The following DSCAML1 variants were observed in gnomAD, a reference collection of about 807,000 sequenced individuals.
The protein encoded by DSCAML1 is DS cell adhesion molecule like 1, also known as cell adhesion molecule DSCAML1.
A neutral mutation model predicts 200.5 loss-of-function variants in DSCAML1; 38 were observed. The observed-to-expected ratio is 0.19, with a 90% CI of 0.15 to 0.25. The LOEUF (loss-of-function observed/expected upper bound fraction) is 0.25, where lower values mean the gene tolerates loss of function less well. DSCAML1 is among the 10% of genes least tolerant of loss of function. The pLI is 1.00. For synonymous variants in DSCAML1, 1,215 were observed against 1,165.0 expected (o/e 1.04, Z -0.87); for missense variants, 2,223 against 2,858.8 (o/e 0.78, Z 5.07).
At chr11:117,791,170 C>A (rs756387191) in intron 1 of DSCAML1, among the ~76,000 whole-genome samples, 1 of 152,166 alleles carries the variant, frequency 6.6e-6, no homozygotes, top group Non-Finnish European at 1.5e-5. Flanking sequence ...GCCTCCCCAA[C>A]ATGTAGGATC....
chr11:117,458,256 G>A (rs2048412189), intron 19 of DSCAML1, among the ~76,000 whole-genome samples: 1 of 152,122 alleles, frequency 6.6e-6, no homozygotes. Context: ...ATGAGGAAGG[G>A]CTTTGAGATC....
chr11:117,599,689 G>A (rs1391473685), intron 3 of DSCAML1, among the ~76,000 whole-genome samples: 3 of 152,190 alleles, frequency 2.0e-5, no homozygotes, highest in Admixed American at 6.5e-5. Context: ...CTCCACTCCA[G>A]GATTCAACTC....
intron 21 of DSCAML1, among the ~76,000 whole-genome samples, chr11:117,441,999 GGTGT>G (rs940317454): frequency 2.0e-5 from 3 of 149,818 alleles, no homozygotes; most frequent in Admixed American, 2.0e-4. Context: ...TGTATGTGTG[GGTGT>G]GTATGTGCAT....
intron 11 of DSCAML1, among the ~76,000 whole-genome samples, chr11:117,495,283 C>A (rs951862870): frequency 6.6e-6 from 1 of 152,192 alleles, no homozygotes; most frequent in African/African-American, 2.4e-5. Flanking sequence ...CCATCTTGCC[C>A]CTGATATCCT....
At chr11:117,694,801 G>T (rs1439974353) in intron 3 of DSCAML1, among the ~76,000 whole-genome samples, 2 of 152,324 alleles carry the variant, frequency 1.3e-5, no homozygotes, top group East Asian at 1.9e-4. Context: ...CCTGCTCTTT[G>T]GTGCAGATAT....
chr11:117,640,747 A>G (rs1252690009), intron 3 of DSCAML1, among the ~76,000 whole-genome samples: 1 of 152,058 alleles, frequency 6.6e-6, no homozygotes, highest in Non-Finnish European at 1.5e-5. Flanking sequence ...ACCTCCACAC[A>G]CAGGTCACTC....
At chr11:117,749,248 T>C (rs1012666834) in intron 3 of DSCAML1, among the ~76,000 whole-genome samples, 1 of 152,326 alleles carries the variant, frequency 6.6e-6, no homozygotes, top group South Asian at 2.1e-4. Flanking sequence ...CCAGATGCTG[T>C]GGCGGAGCTG....
At chr11:117,502,530 G>A (rs2049415073) in intron 11 of DSCAML1, among the ~76,000 whole-genome samples, 1 of 152,128 alleles carries the variant, frequency 6.6e-6, no homozygotes, top group Admixed American at 6.5e-5. Context: ...CGGGGATTCC[G>A]GCTCGGAGCT....
intron 14 of DSCAML1, among the ~76,000 whole-genome samples, chr11:117,473,450 T>A (rs11216413): frequency 0.18 from 28,091 of 152,004 alleles, 2,808 homozygotes; most frequent in South Asian, 0.25. Context: ...TGAACCAAGA[T>A]CATGCCACTG....
intron 3 of DSCAML1, among the ~76,000 whole-genome samples, chr11:117,594,756 C>G (rs2051328018): frequency 6.6e-6 from 1 of 152,200 alleles, no homozygotes; most frequent in Admixed American, 6.5e-5. Context: ...CTGTGACTCT[C>G]ATCTTTAGTC....
Position 117,780,240 on chromosome 11 carries a change from G to A in DSCAML1, c.364+253C>T, listed in dbSNP as rs1488285173. Among the ~76,000 whole-genome samples, 19 of 62,474 alleles carry A rather than the reference G, an allele frequency of 3.0e-4. No individual in the cohort carries two copies. Among genetic ancestry groups the A allele is most frequent in the Non-Finnish European group, 5.1e-4 (15 of 29,342 alleles). 41.0% of individuals were successfully genotyped at this position (62,474 alleles called of 152,430 possible). On this transcript the variant is annotated intron_variant, in intron 2 of 32. Transcript: ENST00000651296. This position sits in a 1 kb window ranked among gnomAD's most constrained non-coding sequence, Gnocchi z 4.8. The stretch of plus-strand genomic sequence containing the variant: ...GAGAGAAAGAAAGAAAGGAAAGAAA[G>A]AAAGAAAGAAAGAAAGAAAGAAAGA...
chr11:117,468,187 G>A (rs1300474957), intron 16 of DSCAML1, among the ~76,000 whole-genome samples: 2 of 151,988 alleles, frequency 1.3e-5, no homozygotes, highest in Non-Finnish European at 2.9e-5. Context: ...GAAATCAATA[G>A]GGCTGATTGC....
intron 3 of DSCAML1, among the ~76,000 whole-genome samples, chr11:117,745,187 A>G (rs1489037846): frequency 7.8e-6 from 1 of 127,722 alleles, no homozygotes; most frequent in Non-Finnish European, 1.7e-5. Context: ...TGGGAGGGGC[A>G]CGTGGGAGGC....
chr11:117,798,025 C>G (rs1027832972), upstream of DSCAML1, among the ~76,000 whole-genome samples: 1 of 152,200 alleles, frequency 6.6e-6, no homozygotes, highest in African/African-American at 2.4e-5. Flanking sequence ...GGCACTGGCT[C>G]AGGCACTGGG....
chr11:117,609,487 T>C (rs577196265), intron 3 of DSCAML1, among the ~76,000 whole-genome samples: 1 of 151,846 alleles, frequency 6.6e-6, no homozygotes, highest in South Asian at 2.1e-4. Flanking sequence ...AAAAAAACAT[T>C]GTAGAGACCA....
chr11:117,469,211 A>G lies in DSCAML1; in HGVS notation c.3024+699T>C, dbSNP rs1341668409. On this transcript the variant is annotated intron_variant, in intron 16 of 32. Coordinates refer to ENST00000651296, the MANE Select transcript of DSCAML1 (RefSeq NM_020693.4). The surrounding 1 kb of genome is among the most constrained non-coding windows in gnomAD (Gnocchi z 4.1). Reference sequence around the variant, plus strand: ...CCAGGAATGAGGAGAGGGTCAGATGAGTTGGTAAAGAGAAAGCACTTGGAG... The same window carrying G: ...CCAGGAATGAGGAGAGGGTCAGATGGGTTGGTAAAGAGAAAGCACTTGGAG... Among the ~76,000 whole-genome samples, 2 of 152,136 alleles carry G rather than the reference A, an allele frequency of 1.3e-5. No individual in the cohort carries two copies. Among genetic ancestry groups the G allele is most frequent in the East Asian group, 3.9e-4 (2 of 5,188 alleles).
At chr11:117,633,865 C>G (rs2137577635) in intron 3 of DSCAML1, among the ~76,000 whole-genome samples, 1 of 152,168 alleles carries the variant, frequency 6.6e-6, no homozygotes, top group African/African-American at 2.4e-5. Context: ...TAAGTGGGGT[C>G]TGCGAGGGGA....
Position 117,437,277 on chromosome 11 carries a change from G to A in DSCAML1, c.4565C>T (p.Thr1522Ile), listed in dbSNP as rs1427986706. 1 of 1,614,238 alleles carries A rather than the reference G, an allele frequency of 6.2e-7. No individual in the cohort carries two copies. The highest frequency in any genetic ancestry group is 8.5e-7 in the Non-Finnish European group (1 of 1,180,038). Residue 1522 changes from threonine (T) to isoleucine (I), a missense_variant, in exon 26 of 33, where the codon ACC (threonine) becomes ATC (isoleucine). By Grantham distance (89) the Thr-to-Ile change is moderately conservative. Coordinates refer to ENST00000651296, the MANE Select transcript of DSCAML1 (RefSeq NM_020693.4). The surrounding 1 kb of genome is among the most constrained non-coding windows in gnomAD (Gnocchi z 5.3). ...AIVLEYRPKG[T>I]WAWQGLRANS... ...GGCCCGGAGGCCCTGCCAGGCCCAG[G>A]TCCCCTTGGGCCGGTACTCCAGAAC...
chr11:117,773,045 T>G (rs1323993214), intron 3 of DSCAML1, among the ~76,000 whole-genome samples: 1 of 152,186 alleles, frequency 6.6e-6, no homozygotes, highest in Non-Finnish European at 1.5e-5. Context: ...AAAAAGCTGG[T>G]GAGAGTTTCC....
Sources: gnomAD v4.1 joint callset for allele counts (sites outside exome capture counted in the v4.1 genomes callset) on GRCh38, gnomAD v4.1.1 for gene constraint, Gnocchi (gnomAD v3.1) non-coding constraint, MANE v1.5 for transcripts, NCBI Gene and HGNC (gene_info 2026-07-23, HGNC 2026-07-21) for gene names.